The following LEPR variants were observed in gnomAD, a reference collection of about 807,000 sequenced individuals.
LEPR encodes the protein OB receptor.
A neutral mutation model predicts 114.7 loss-of-function variants in LEPR; 56 were observed. That is an observed-to-expected ratio of 0.49 (90% CI 0.39 to 0.61). The LOEUF (loss-of-function observed/expected upper bound fraction) is 0.61, where lower values mean the gene tolerates loss of function less well. Ranked by LOEUF, LEPR falls within the 20% of genes least tolerant of loss-of-function variation. LEPR has a pLI of 0.00. For missense variants in LEPR, 1,202 were observed against 1,352.9 expected, an observed-to-expected ratio of 0.89 and a Z score of 1.75; for synonymous variants, 443 against 461.4, an observed-to-expected ratio of 0.96 and a Z score of 0.51.
At chr1:65,564,767 A>T (rs973019357) in intron 2 of LEPR, among the ~76,000 whole-genome samples, 2 of 152,202 alleles carry the variant, frequency 1.3e-5, no homozygotes, top group Non-Finnish European at 2.9e-5. Context: ...TTACCGGAAG[A>T]GCTTAGCCTG....
At chr1:65,443,676 T>C (rs896153571) in intron 2 of LEPR, among the ~76,000 whole-genome samples, 7 of 152,166 alleles carry the variant, frequency 4.6e-5, no homozygotes, top group African/African-American at 1.7e-4. Context: ...TTGGAATCCT[T>C]TCTTCATATA....
At chr1:65,443,559 G>A (rs1263522264) in intron 2 of LEPR, among the ~76,000 whole-genome samples, 1 of 151,764 alleles carries the variant, frequency 6.6e-6, no homozygotes, top group Non-Finnish European at 1.5e-5. Flanking sequence ...TATATAAAAA[G>A]ATATACTATA....
chr1:65,429,747 T>C (rs1646449997), intron 2 of LEPR: 2 of 889,266 alleles, frequency 2.2e-6, no homozygotes, highest in Admixed American at 2.8e-5. Flanking sequence ...CACAATTAAT[T>C]AATTTTTTGA....
At chr1:65,623,258 T>C (rs1475942209) in intron 19 of LEPR, 1 of 321,258 alleles carries the variant, frequency 3.1e-6, no homozygotes, top group African/African-American at 2.2e-5. Flanking sequence ...TATTAGAAAG[T>C]TAAGGGTCAA....
intron 2 of LEPR, among the ~76,000 whole-genome samples, chr1:65,537,895 A>G (rs899762793): frequency 1.3e-5 from 2 of 152,212 alleles, no homozygotes; most frequent in African/African-American, 4.8e-5. Flanking sequence ...CTACAGTTAC[A>G]TTTCATTCAG....
At chr1:65,436,721 CT>C (rs151005034) in intron 2 of LEPR, among the ~76,000 whole-genome samples, 41,401 of 152,138 alleles carry the variant, frequency 0.27, 7,209 homozygotes, top group Non-Finnish European at 0.39. Context: ...TCTCTCTTCA[CT>C]TTTGATTATA....
At chr1:65,458,052 A>G (rs527450736) in intron 2 of LEPR, among the ~76,000 whole-genome samples, 2 of 152,252 alleles carry the variant, frequency 1.3e-5, no homozygotes, top group African/African-American at 2.4e-5. Flanking sequence ...TGTGCCAACA[A>G]TGTGATACTG....
intron 18 of LEPR, 88 bp downstream of exon 18, chr1:65,621,546 T>G: frequency 9.1e-7 from 1 of 1,101,100 alleles, no homozygotes; most frequent in South Asian, 1.3e-5. Context: ...TTAGGAATAT[T>G]AAAGTCTTCT....
chr1:65,427,331 T>C (rs1646398573), intron 2 of LEPR, among the ~76,000 whole-genome samples: 1 of 152,146 alleles, frequency 6.6e-6, no homozygotes, highest in African/African-American at 2.4e-5. Context: ...CCCAGCACTT[T>C]GGGAGGCAAC....
At chr1:65,497,896 C>T (rs922371717) in intron 2 of LEPR, among the ~76,000 whole-genome samples, 2 of 152,028 alleles carry the variant, frequency 1.3e-5, no homozygotes, top group Non-Finnish European at 2.9e-5. Flanking sequence ...CAGTGCTTAG[C>T]AATCATATGT....
chr1:65,470,018 T>G (rs1647063774), intron 2 of LEPR, among the ~76,000 whole-genome samples: 1 of 152,194 alleles, frequency 6.6e-6, no homozygotes, highest in Admixed American at 6.5e-5. Context: ...ATGAAAAGGC[T>G]TTATTCTGGG....
At chr1:65,539,115 AC>A (rs1650993249) in intron 2 of LEPR, among the ~76,000 whole-genome samples, 1 of 83,648 alleles carries the variant, frequency 1.2e-5, no homozygotes, top group Admixed American at 1.3e-4. Context: ...TTTTTTTAAA[AC>A]CATTGAAATT....
chr1:65,472,435 C>CACACACACACACACAT (rs1647096585), intron 2 of LEPR, among the ~76,000 whole-genome samples: 1 of 143,224 alleles, frequency 7.0e-6, no homozygotes, highest in Admixed American at 6.8e-5. Flanking sequence ...CACACACACA[C>CACACACACACACACAT]ACACACACAC....
chr1:65,494,088 T>C (rs940476776), intron 2 of LEPR: 5 of 152,146 alleles, frequency 3.3e-5, no homozygotes, highest in African/African-American at 1.2e-4. Context: ...GCTTTATTTA[T>C]TTTAAGAAGG....
Position 65,467,342 on chromosome 1 carries a change from C to T in LEPR, c.-21+41964C>T, listed in dbSNP as rs373904617. On this transcript the variant is annotated intron_variant, in intron 2 of 19. Coordinates refer to ENST00000349533, the MANE Select transcript of LEPR (RefSeq NM_002303.6). ...GGAGGTCCACTCCAGACCCTGTTTG[C>T]CTGGGTATCACCAGTGGAGGCTGCA... Among the ~76,000 whole-genome samples the T allele has an allele frequency of 3.3e-5, 5 of 152,272 alleles. 1 individual carries two copies.
intron 2 of LEPR, among the ~76,000 whole-genome samples, chr1:65,466,525 A>G (rs2100396633): frequency 6.6e-6 from 1 of 152,136 alleles, no homozygotes; most frequent in South Asian, 2.1e-4. Flanking sequence ...CTTGTTGAGG[A>G]GTATCTTTAT....
chr1:65,633,911 G>T lies in LEPR; in HGVS notation c.2674-2280G>T. 1 of 985,422 alleles carries T rather than the reference G, an allele frequency of 1.0e-6. No individual in the cohort carries two copies. Among genetic ancestry groups the T allele is most frequent in the Middle Eastern group, 5.2e-4 (1 of 1,914 alleles). 61.0% of individuals were successfully genotyped at this position (985,422 alleles called of 1,614,324 possible). A position where few individuals can be genotyped will look rare whatever the true frequency, so the allele number is the denominator to read the frequency against. On this transcript the variant is annotated intron_variant, in intron 19 of 19. Coordinates refer to ENST00000349533, the MANE Select transcript of LEPR (RefSeq NM_002303.6). This position sits in a 1 kb window ranked among gnomAD's most constrained non-coding sequence, Gnocchi z 4.1. ...TGACCCTACATACCCAGGTCAGATT[G>T]ACGGGACCAGAAGGGAACATCGACT...
rs997747217 is a variant in LEPR at position 65,629,466 on chromosome 1, T to C, written c.2673+6485T>C. The C allele has an allele frequency of 1.2e-5, 4 of 330,572 alleles. No homozygotes were observed. In the Admixed American group the frequency reaches 1.6e-4, roughly 14 times the overall value. 20.5% of individuals were successfully genotyped at this position (330,572 alleles called of 1,614,324 possible). On this transcript the variant is annotated intron_variant, in intron 19 of 19. Coordinates refer to ENST00000349533, the MANE Select transcript of LEPR (RefSeq NM_002303.6). Reference sequence around the variant, plus strand: ...TTACTGAACCAAGTATTTAATAATATGTGATTACACTTCTCAGTGGTTCCG... The same window carrying C: ...TTACTGAACCAAGTATTTAATAATACGTGATTACACTTCTCAGTGGTTCCG...
intron 1 of LEPR, 110 bp from the exon 2 acceptor site, chr1:65,425,193 C>T (rs775142078): frequency 1.1e-4 from 91 of 846,028 alleles, no homozygotes; most frequent in African/African-American, 2.9e-4. Flanking sequence ...TTTACTCATC[C>T]GCCAAAGAAA....
Sources: allele counts gnomAD v4.1 joint callset (sites outside exome capture counted in the v4.1 genomes callset), GRCh38; gene constraint gnomAD v4.1.1; non-coding constraint Gnocchi (gnomAD v3.1); transcripts MANE v1.5; gene names NCBI Gene and HGNC (gene_info 2026-07-23, HGNC 2026-07-21).